Variants in CTNNA3 observed in about 807,000 individuals in gnomAD.
CTNNA3 encodes the protein catenin alpha 3, also known as catenin alpha-3.
CTNNA3 carries 76 observed loss-of-function variants against 95.7 expected under a neutral mutation model. The ratio of observed to expected loss-of-function variants is 0.79; its 90% CI spans 0.66 to 0.96. The LOEUF is 0.96. Ranked by LOEUF, CTNNA3 falls within the 40% of genes least tolerant of loss-of-function variation. The probability of loss-of-function intolerance (pLI) is 0.00; values close to 1 mark genes in which losing one functional copy is unlikely to be tolerated. For missense variants in CTNNA3, 1,191 were observed against 1,089.8 expected, an observed-to-expected ratio of 1.09 and a Z score of -1.31; for synonymous variants, 431 against 374.4, an observed-to-expected ratio of 1.15 and a Z score of -1.74.
At chr10:66,171,270 TA>T (rs572189021) in intron 13 of CTNNA3, among the ~76,000 whole-genome samples, 69 of 147,442 alleles carry the variant, frequency 4.7e-4, no homozygotes, top group South Asian at 2.4e-3. Context: ...AGCCTTTATT[TA>T]AAAAAAAAAA....
At chr10:66,610,434 C>T (rs1844289567) in intron 10 of CTNNA3, among the ~76,000 whole-genome samples, 4 of 152,060 alleles carry the variant, frequency 2.6e-5, no homozygotes, top group Admixed American at 6.5e-5. Flanking sequence ...TAAAGGAACT[C>T]ACATGGCTGT....
intron 5 of CTNNA3, among the ~76,000 whole-genome samples, chr10:67,499,097 G>A (rs532879781): frequency 6.6e-6 from 1 of 152,244 alleles, no homozygotes; most frequent in South Asian, 2.1e-4. Flanking sequence ...TTACTATTTT[G>A]AGATACGTTC....
chr10:66,036,200 G>A (rs1008265557), intron 15 of CTNNA3, among the ~76,000 whole-genome samples: 17 of 152,150 alleles, frequency 1.1e-4, no homozygotes, highest in African/African-American at 3.6e-4. Flanking sequence ...AGTTAATAGT[G>A]AATAATATTA....
At chr10:66,417,125 T>C (rs1288561940) in intron 11 of CTNNA3, among the ~76,000 whole-genome samples, 6 of 152,024 alleles carry the variant, frequency 3.9e-5, no homozygotes, top group Non-Finnish European at 5.9e-5. Flanking sequence ...ATGATCCAAC[T>C]ACATGCCACC....
chr10:66,413,607 C>A (rs1389826779), intron 11 of CTNNA3, among the ~76,000 whole-genome samples: 1 of 152,012 alleles, frequency 6.6e-6, no homozygotes, highest in African/African-American at 2.4e-5. Context: ...AGCAATAGAG[C>A]TTGAAAAGGT....
At chr10:65,952,556 T>A (rs1025527861) in intron 17 of CTNNA3, among the ~76,000 whole-genome samples, 45 of 152,150 alleles carry the variant, frequency 3.0e-4, no homozygotes, top group South Asian at 1.0e-3. Context: ...AATTTTTTTT[T>A]AATTTTCCCT....
upstream of CTNNA3, among the ~76,000 whole-genome samples, chr10:67,697,671 C>T (rs1840992906): frequency 6.6e-6 from 1 of 152,160 alleles, no homozygotes; most frequent in Admixed American, 6.5e-5. Context: ...ATAAAACCTT[C>T]TTACAGAATT....
chr10:67,762,000 G>A (rs979273027), intron 1 of CTNNA3, among the ~76,000 whole-genome samples: 5 of 151,800 alleles, frequency 3.3e-5, no homozygotes, highest in Admixed American at 1.3e-4. Flanking sequence ...TTATTGTCAC[G>A]AATTAGGAAC....
At chr10:66,921,277 C>T (rs1846773080) in intron 7 of CTNNA3, among the ~76,000 whole-genome samples, 1 of 152,136 alleles carries the variant, frequency 6.6e-6, no homozygotes, top group Non-Finnish European at 1.5e-5. Flanking sequence ...AATTACCTCA[C>T]AAATGCTCTA....
intron 17 of CTNNA3, among the ~76,000 whole-genome samples, chr10:65,928,956 A>C (rs561204122): frequency 6.6e-6 from 1 of 152,172 alleles, no homozygotes; most frequent in Non-Finnish European, 1.5e-5. Flanking sequence ...TACATGTGCT[A>C]TGTTGGTGTG....
At chr10:67,190,465 G>C (rs1468841262) in intron 6 of CTNNA3, among the ~76,000 whole-genome samples, 1 of 151,558 alleles carries the variant, frequency 6.6e-6, no homozygotes, top group Non-Finnish European at 1.5e-5. Context: ...ACCCAAACTG[G>C]GGTAGTAAAG....
intron 13 of CTNNA3, among the ~76,000 whole-genome samples, chr10:66,154,060 C>G (rs978807103): frequency 6.6e-6 from 1 of 151,784 alleles, no homozygotes; most frequent in East Asian, 1.9e-4. Context: ...AAACCCATAC[C>G]TTTAAACACA....
intron 12 of CTNNA3, among the ~76,000 whole-genome samples, chr10:66,306,826 C>T (rs528795031): frequency 3.9e-5 from 6 of 152,210 alleles, no homozygotes; most frequent in South Asian, 4.1e-4. Flanking sequence ...TACAAAAGTA[C>T]ATCATGGAAC....
intron 5 of CTNNA3, among the ~76,000 whole-genome samples, chr10:67,264,306 T>C (rs1327773772): frequency 6.6e-6 from 1 of 152,172 alleles, no homozygotes; most frequent in Non-Finnish European, 1.5e-5. Flanking sequence ...TCATTGTTGT[T>C]TGTGCCTCAG....
chr10:66,961,192 T>C (rs1849092154), intron 7 of CTNNA3, among the ~76,000 whole-genome samples: 1 of 152,222 alleles, frequency 6.6e-6, no homozygotes, highest in Non-Finnish European at 1.5e-5. Flanking sequence ...ATAATACCTG[T>C]AGTCTATTAT....
At chr10:66,950,965 C>T (rs1251554793) in intron 7 of CTNNA3, among the ~76,000 whole-genome samples, 1 of 152,080 alleles carries the variant, frequency 6.6e-6, no homozygotes, top group Admixed American at 6.6e-5. Flanking sequence ...TGCAGAAACT[C>T]CCTTTGAATG....
At chr10:66,418,431 A>T (rs968020881) in intron 11 of CTNNA3, among the ~76,000 whole-genome samples, 5 of 133,350 alleles carry the variant, frequency 3.7e-5, no homozygotes, top group Admixed American at 3.5e-4. Flanking sequence ...GCTGACTTCT[A>T]CCAGGCCTAT....
intron 10 of CTNNA3, among the ~76,000 whole-genome samples, chr10:66,595,289 A>G (rs1589467373): frequency 6.6e-6 from 1 of 151,892 alleles, no homozygotes; most frequent in African/African-American, 2.4e-5. Flanking sequence ...TAGACTTTAT[A>G]GTTATTGCTG....
chr10:67,143,467 C>T (rs138190681), intron 7 of CTNNA3, among the ~76,000 whole-genome samples: 2 of 119,288 alleles, frequency 1.7e-5, no homozygotes, highest in Non-Finnish European at 3.8e-5. Context: ...GTATGTGAGG[C>T]TGTTTGACAG....
Sources: gnomAD v4.1 joint callset for allele counts (sites outside exome capture counted in the v4.1 genomes callset) on GRCh38, gnomAD v4.1.1 for gene constraint, MANE v1.5 for transcripts, NCBI Gene and HGNC (gene_info 2026-07-23, HGNC 2026-07-21) for gene names.